The following TMEM117 variants were observed in gnomAD, a reference collection of about 807,000 sequenced individuals.
TMEM117 encodes the protein transmembrane protein 117.
TMEM117 carries 27 observed loss-of-function variants against 52.4 expected under a neutral mutation model. The observed-to-expected ratio is 0.51, with a 90% CI of 0.38 to 0.71. TMEM117 has a LOEUF of 0.71. Among genes scored for constraint, TMEM117 ranks in the 30% least tolerant of loss-of-function variants. The probability of loss-of-function intolerance (pLI) is 0.00; values close to 1 mark genes in which losing one functional copy is unlikely to be tolerated. For synonymous variants in TMEM117, 215 were observed against 206.3 expected, an observed-to-expected ratio of 1.04 and a Z score of -0.36; for missense variants, 556 against 630.5, an observed-to-expected ratio of 0.88 and a Z score of 1.26.
At chr12:44,264,590 A>G (rs906987793) in intron 5 of TMEM117, among the ~76,000 whole-genome samples, 4 of 152,180 alleles carry the variant, frequency 2.6e-5, no homozygotes, top group African/African-American at 7.2e-5. Context: ...AATTGCTGCA[A>G]GGGAAGTAAA....
chr12:43,804,252 A>G, the TMEM117 span: 2 of 507,298 alleles, frequency 3.9e-6, no homozygotes, highest in Non-Finnish European at 7.5e-6. Context: ...TGAGACACAA[A>G]AAGTAAAAGA....
intron 3 of TMEM117, among the ~76,000 whole-genome samples, chr12:44,038,785 G>C (rs1050423358): frequency 5.3e-5 from 8 of 152,098 alleles, no homozygotes; most frequent in African/African-American, 1.9e-4. Context: ...AACACTTTAG[G>C]AGTTGTTTAA....
At chr12:43,990,722 TA>T (rs1260507309) in intron 3 of TMEM117, among the ~76,000 whole-genome samples, 2 of 152,156 alleles carry the variant, frequency 1.3e-5, no homozygotes, top group Non-Finnish European at 2.9e-5. Context: ...TGTTAAGTAT[TA>T]TTCCTTATTT....
intron 3 of TMEM117, among the ~76,000 whole-genome samples, chr12:44,061,676 T>A (rs1440299207): frequency 6.6e-6 from 1 of 152,146 alleles, no homozygotes; most frequent in East Asian, 1.9e-4. Context: ...GGAGATGAGA[T>A]TTATATCAAT....
chr12:44,297,664 A>G (rs970379638), intron 5 of TMEM117, among the ~76,000 whole-genome samples: 17 of 152,230 alleles, frequency 1.1e-4, no homozygotes, highest in Non-Finnish European at 1.5e-4. Flanking sequence ...AAAACTTTGA[A>G]TAATAATCAA....
intron 4 of TMEM117, among the ~76,000 whole-genome samples, chr12:44,191,562 G>T (rs1949355085): frequency 6.6e-6 from 1 of 152,176 alleles, no homozygotes; most frequent in East Asian, 1.9e-4. Context: ...ATTTTGTTCT[G>T]TCCTACTCAG....
At chr12:44,039,625 T>C (rs759961417) in intron 3 of TMEM117, among the ~76,000 whole-genome samples, 9 of 151,970 alleles carry the variant, frequency 5.9e-5, no homozygotes, top group East Asian at 1.9e-4. Context: ...AGATTAAAAT[T>C]CCCCAAATTT....
At chr12:44,213,955 G>A (rs12311153) in intron 5 of TMEM117, among the ~76,000 whole-genome samples, 2,974 of 152,024 alleles carry the variant, frequency 0.02, 59 homozygotes, top group South Asian at 0.052. Flanking sequence ...TAGTTACCAA[G>A]GTCACATGTA....
intron 3 of TMEM117, among the ~76,000 whole-genome samples, chr12:43,948,285 A>G (rs1186741405): frequency 6.6e-6 from 1 of 151,844 alleles, no homozygotes; most frequent in Non-Finnish European, 1.5e-5. Flanking sequence ...TACCACTAAA[A>G]TGCTGCTTAT....
At chr12:44,241,311 G>C in intron 5 of TMEM117, among the ~76,000 whole-genome samples, 1 of 151,566 alleles carries the variant, frequency 6.6e-6, no homozygotes, top group East Asian at 1.9e-4. Context: ...GACCATATCT[G>C]ATAATTTGGG....
At chr12:44,059,213 C>A (rs1592481663) in intron 3 of TMEM117, among the ~76,000 whole-genome samples, 1 of 152,264 alleles carries the variant, frequency 6.6e-6, no homozygotes, top group South Asian at 2.1e-4. Flanking sequence ...TATCGGTCTG[C>A]AGCTCAGGGA....
intron 3 of TMEM117, among the ~76,000 whole-genome samples, chr12:44,109,713 C>G (rs1948023195): frequency 2.3e-5 from 1 of 43,332 alleles, no homozygotes; most frequent in Non-Finnish European, 3.6e-5. Flanking sequence ...TCCATATGAA[C>G]TTTAAAGTAG....
intron 6 of TMEM117, among the ~76,000 whole-genome samples, chr12:44,345,079 G>T (rs1207698137): frequency 1.3e-5 from 2 of 151,964 alleles, no homozygotes; most frequent in East Asian, 3.9e-4. Context: ...CAAGCTACAG[G>T]CTGGGTTGGA....
chr12:44,001,531 A>G (rs1322784555), intron 3 of TMEM117, among the ~76,000 whole-genome samples: 1 of 152,178 alleles, frequency 6.6e-6, no homozygotes, highest in Non-Finnish European at 1.5e-5. Context: ...CTAAGAGGAC[A>G]CTATGAAGTG....
chr12:43,868,343 C>A (rs929387512), intron 2 of TMEM117, among the ~76,000 whole-genome samples: 1 of 151,946 alleles, frequency 6.6e-6, no homozygotes, highest in East Asian at 1.9e-4. Context: ...GAGTTTGAGA[C>A]CAGCCTGGGC....
the TMEM117 span, among the ~76,000 whole-genome samples, chr12:43,825,035 A>G: frequency 6.6e-6 from 1 of 152,222 alleles, no homozygotes; most frequent in Admixed American, 6.5e-5. Context: ...AACTTAAATG[A>G]CTGAAGACCT....
chr12:43,914,913 T>G lies in TMEM117; in HGVS notation c.278-29297T>G, dbSNP rs570102939. The stretch of plus-strand genomic sequence containing the variant: ...TCTGGTACCCCCTCCTTCAGCAAAT[T>G]TATATTAAAACTCACTGTACATCTG... On this transcript the variant is annotated intron_variant, in intron 2 of 7. Coordinates refer to ENST00000266534, the MANE Select transcript of TMEM117 (RefSeq NM_032256.3). 2.6e-5 allele frequency among the ~76,000 whole-genome samples: 4 copies of G among 152,218 alleles called. No homozygotes were observed. In the South Asian group the frequency reaches 6.2e-4, roughly 24 times the overall value.
chr12:44,331,184 T>TA (rs202022939), intron 6 of TMEM117, among the ~76,000 whole-genome samples: 85 of 145,676 alleles, frequency 5.8e-4, no homozygotes, highest in East Asian at 2.6e-3. Flanking sequence ...GACCTTTTTT[T>TA]AAAAAAAAAA....
intron 3 of TMEM117, among the ~76,000 whole-genome samples, chr12:43,967,499 G>T (rs1324822328): frequency 6.6e-6 from 1 of 150,676 alleles, no homozygotes; most frequent in East Asian, 1.9e-4. Context: ...CCCTTACTCT[G>T]GGGGAAGCAA....
Sources: gnomAD v4.1 joint callset for allele counts (sites outside exome capture counted in the v4.1 genomes callset) on GRCh38, gnomAD v4.1.1 for gene constraint, MANE v1.5 for transcripts, NCBI Gene and HGNC (gene_info 2026-07-23, HGNC 2026-07-21) for gene names.